Variants in GRM1 observed in about 807,000 individuals in gnomAD.
The protein encoded by GRM1 is glutamate metabotropic receptor 1, also known as metabotropic glutamate receptor 1.
A neutral mutation model predicts 90.9 loss-of-function variants in GRM1; 33 were observed. The observed-to-expected ratio is 0.36, with a 90% CI of 0.28 to 0.49. The LOEUF is 0.49. Ranked by LOEUF, GRM1 falls within the 20% of genes least tolerant of loss-of-function variation. The pLI, the probability that GRM1 is intolerant of heterozygous loss-of-function variation, is 0.99. For synonymous variants in GRM1, 700 were observed against 613.2 expected, an observed-to-expected ratio of 1.14 and a Z score of -2.09; for missense variants, 1,190 against 1,534.3, an observed-to-expected ratio of 0.78 and a Z score of 3.75.
intron 1 of GRM1, among the ~76,000 whole-genome samples, chr6:146,135,349 A>T (rs1487460545): frequency 6.6e-6 from 1 of 152,178 alleles, no homozygotes; most frequent in East Asian, 1.9e-4. Context: ...TCACTCCAAA[A>T]GTATTGGCAA....
chr6:146,035,987 T>G (rs1314603531), intron 1 of GRM1, among the ~76,000 whole-genome samples: 2 of 152,014 alleles, frequency 1.3e-5, no homozygotes, highest in South Asian at 4.1e-4. Flanking sequence ...TTGCTGCAAA[T>G]TTTATAAGAA....
chr6:146,128,278 G>T (rs1252340691), intron 1 of GRM1, among the ~76,000 whole-genome samples: 1 of 152,078 alleles, frequency 6.6e-6, no homozygotes, highest in Non-Finnish European at 1.5e-5. Flanking sequence ...TATATCCCTG[G>T]GGCCATCTTT....
chr6:146,371,453 A>G (rs1775899035), intron 5 of GRM1, among the ~76,000 whole-genome samples: 1 of 152,176 alleles, frequency 6.6e-6, no homozygotes, highest in Admixed American at 6.6e-5. Context: ...TCAAGCATTT[A>G]TCCTTTGAGT....
chr6:146,428,151 G>C (rs1344027101), intron 7 of GRM1, among the ~76,000 whole-genome samples: 1 of 152,206 alleles, frequency 6.6e-6, no homozygotes, highest in African/African-American at 2.4e-5. Flanking sequence ...ATTAGGAAGA[G>C]ATAAGTAGGT....
chr6:146,260,803 GGTTTTTTTTTTTTTT>G lies in GRM1; in HGVS notation c.951-43807_951-43793del, dbSNP rs1274105656. Among the ~76,000 whole-genome samples, 4 of 72,654 alleles carry G rather than the reference GGTTTTTTTTTTTTTT, an allele frequency of 5.5e-5. No homozygotes were observed. The East Asian group carries it at 9.6e-4, about 17-fold the overall frequency. The allele number at this position is 72,654 out of a possible 152,430, so 47.7% of individuals were successfully genotyped here. A position where few individuals can be genotyped will look rare whatever the true frequency, so the allele number is the denominator to read the frequency against. The stretch of plus-strand genomic sequence containing the variant: ...GCCCATTTTTTAATTAGGTTATTTG[GGTTTTTTTTTTTTTT>G]TTTTTTTTTTTTTTTTTTTGCAATT... On this transcript the variant is annotated intron_variant, in intron 2 of 7. Transcript: ENST00000282753.
intron 1 of GRM1, among the ~76,000 whole-genome samples, chr6:146,035,653 C>G (rs1426086308): frequency 6.6e-6 from 1 of 151,838 alleles, no homozygotes; most frequent in African/African-American, 2.4e-5. Context: ...ACCAAGTTAT[C>G]GTGAACATAA....
Position 146,228,475 on chromosome 6 carries a change from T to G in GRM1, c.950+68878T>G, listed in dbSNP as rs73575027. 8.5e-3 allele frequency among the ~76,000 whole-genome samples: 1,295 copies of G among 152,270 alleles called. 20 individuals are homozygous for G. The highest frequency in any genetic ancestry group is 0.03 in the African/African-American group (1,229 of 41,560). The stretch of plus-strand genomic sequence containing the variant: ...AACAAATTAATCCATTCCTGAAGGC[T>G]CCACCCTCATGACCTAATCACTCCT... On this transcript the variant is annotated intron_variant, in intron 2 of 7. Transcript: ENST00000282753.
At chr6:146,342,897 A>G (rs950436772) in intron 3 of GRM1, among the ~76,000 whole-genome samples, 1 of 152,226 alleles carries the variant, frequency 6.6e-6, no homozygotes, top group Non-Finnish European at 1.5e-5. Flanking sequence ...TTGCTACGTA[A>G]CATTTGTCAT....
intron 1 of GRM1, among the ~76,000 whole-genome samples, chr6:146,074,489 C>T (rs1229650808): frequency 6.6e-6 from 1 of 152,144 alleles, no homozygotes; most frequent in Non-Finnish European, 1.5e-5. Flanking sequence ...TTAGACCCCA[C>T]CCAGAGACCT....
At chr6:146,415,768 G>A (rs1777759720) in intron 7 of GRM1, among the ~76,000 whole-genome samples, 1 of 152,148 alleles carries the variant, frequency 6.6e-6, no homozygotes, top group Non-Finnish European at 1.5e-5. Flanking sequence ...CCCATTAATA[G>A]GGTTGAAGAT....
rs180992060 is a variant in GRM1, at chr6:146,134,918, G to A, written c.701-24430G>A. On this transcript the variant is annotated intron_variant, in intron 1 of 7. Coordinates refer to ENST00000282753, the MANE Select transcript of GRM1 (RefSeq NM_001278064.2). ...TGGACTCCAGTCTGGATGACAGAGCGTGACTCCGTCTCAAAAACAAAACAA... is the reference window on the plus strand; with the variant it reads ...TGGACTCCAGTCTGGATGACAGAGCATGACTCCGTCTCAAAAACAAAACAA... Among the ~76,000 whole-genome samples the A allele has an allele frequency of 3.7e-4, 57 of 152,118 alleles. 1 individual carries two copies. Among genetic ancestry groups the A allele is most frequent in the Admixed American group, 1.6e-3 (25 of 15,276 alleles).
chr6:146,150,962 A>ACACG (rs1293634403), intron 1 of GRM1, among the ~76,000 whole-genome samples: 10 of 151,896 alleles, frequency 6.6e-5, no homozygotes, highest in Admixed American at 1.3e-4. Context: ...ACACACACAC[A>ACACG]CACACTACAT....
intron 2 of GRM1, among the ~76,000 whole-genome samples, chr6:146,170,792 G>A (rs1337949065): frequency 6.6e-6 from 1 of 151,058 alleles, no homozygotes; most frequent in Non-Finnish European, 1.5e-5. Flanking sequence ...GCAGTTTTTG[G>A]TTGCCTGCTT....
chr6:146,263,832 A>G (rs1413312012), intron 2 of GRM1, among the ~76,000 whole-genome samples: 1 of 152,108 alleles, frequency 6.6e-6, no homozygotes, highest in African/African-American at 2.4e-5. Flanking sequence ...TCATGAAAAA[A>G]GGAACTAGGC....
chr6:146,377,987 T>C (rs1383187555), intron 5 of GRM1, among the ~76,000 whole-genome samples: 1 of 152,176 alleles, frequency 6.6e-6, no homozygotes, highest in Non-Finnish European at 1.5e-5. Context: ...TGGGCCAATA[T>C]AGTGCTCAAG....
intron 1 of GRM1, among the ~76,000 whole-genome samples, chr6:146,054,404 T>C (rs1484675451): frequency 6.6e-6 from 1 of 152,096 alleles, no homozygotes; most frequent in African/African-American, 2.4e-5. Flanking sequence ...TAAAATATAA[T>C]AATTATAAAA....
chr6:146,239,343 T>G (rs970043320), intron 2 of GRM1, among the ~76,000 whole-genome samples: 4 of 152,172 alleles, frequency 2.6e-5, no homozygotes, highest in African/African-American at 9.6e-5. Flanking sequence ...ATGGCATTAC[T>G]ATTCTGTAGG....
chr6:146,297,268 C>T (rs1449706174), intron 2 of GRM1, among the ~76,000 whole-genome samples: 1 of 151,794 alleles, frequency 6.6e-6, no homozygotes, highest in Non-Finnish European at 1.5e-5. Context: ...TCAAGCAATT[C>T]TCCTGCCTCA....
intron 6 of GRM1, among the ~76,000 whole-genome samples, chr6:146,397,484 G>GAAAAAAAAAAA (rs577471775): frequency 3.8e-4 from 17 of 45,028 alleles, no homozygotes; most frequent in East Asian, 7.6e-4. Context: ...AAAAAAAAAA[G>GAAAAAAAAAAA]AAAAAAAAAA....
Sources: allele counts gnomAD v4.1 joint callset (sites outside exome capture counted in the v4.1 genomes callset), GRCh38; gene constraint gnomAD v4.1.1; transcripts MANE v1.5; gene names NCBI Gene and HGNC (gene_info 2026-07-23, HGNC 2026-07-21).